The following PPP1R42 variants were observed in gnomAD, a reference collection of about 807,000 sequenced individuals.
PPP1R42 encodes the protein protein phosphatase 1 regulatory subunit 42.
Under a neutral mutation model 31.0 loss-of-function variants are expected in PPP1R42, and 34 were observed. The ratio of observed to expected loss-of-function variants is 1.10; its 90% CI spans 0.83 to 1.46. The LOEUF is 1.46. PPP1R42 is among the 40% of genes most tolerant of loss of function. The pLI, the probability that PPP1R42 is intolerant of heterozygous loss-of-function variation, is 0.00. For missense variants in PPP1R42, 268 were observed against 303.0 expected (o/e 0.88, Z 0.86); for synonymous variants, 103 against 109.8 (o/e 0.94, Z 0.39).
chr8:66,984,088 G>A, intron 6 of PPP1R42: 1 of 1,529,844 alleles, frequency 6.5e-7, no homozygotes, highest in Non-Finnish European at 9.0e-7. Flanking sequence ...TGAGAGGACA[G>A]AAGAGACAAA....
In PPP1R42 at chr8:67,002,164, C is replaced by A. The variant is rs563628055; in HGVS notation, c.552+8551G>T. Among the ~76,000 whole-genome samples the A allele has an allele frequency of 3.9e-5, 6 of 152,220 alleles. No individual in the cohort carries two copies. The East Asian group carries it at 1.2e-3, about 29-fold the overall frequency. Reference sequence around the variant, plus strand: ...TTATCTTTCTATGTACATAAAATATCTTTTAAATATCTTTTCTTCTGGTAG... The same window carrying A: ...TTATCTTTCTATGTACATAAAATATATTTTAAATATCTTTTCTTCTGGTAG... On this transcript the variant is annotated intron_variant, in intron 5 of 7. Coordinates refer to ENST00000685739, the MANE Select transcript of PPP1R42 (RefSeq NM_001364910.1).
intron 1 of PPP1R42, among the ~76,000 whole-genome samples, chr8:67,020,552 C>T (rs556892699): frequency 6.6e-6 from 1 of 152,272 alleles, no homozygotes; most frequent in South Asian, 2.1e-4. Context: ...GGCTTCATCA[C>T]TTACTAGTTA....
At chr8:66,985,521 A>T in intron 6 of PPP1R42, 1 of 1,228,934 alleles carries the variant, frequency 8.1e-7, no homozygotes, top group African/African-American at 1.5e-5. Context: ...TGCCCATGTC[A>T]TGGAGATTAG....
At chr8:66,979,636 A>G (rs1228972905) in intron 7 of PPP1R42, among the ~76,000 whole-genome samples, 1 of 152,062 alleles carries the variant, frequency 6.6e-6, no homozygotes, top group Admixed American at 6.5e-5. Context: ...GCTTTGTTGT[A>G]TATCTTGAAG....
chr8:66,996,266 G>C (rs1815332088), intron 5 of PPP1R42, among the ~76,000 whole-genome samples: 1 of 152,120 alleles, frequency 6.6e-6, no homozygotes. Context: ...TTCCCAGGCT[G>C]GTCTCGAACT....
chr8:66,985,289 G>A (rs1814973004), intron 6 of PPP1R42: 4 of 888,716 alleles, frequency 4.5e-6, no homozygotes, highest in Non-Finnish European at 7.5e-6. Context: ...GAGACTCGGG[G>A]TCAAAAAAGG....
At chr8:66,980,558 G>C (rs1814796518) in intron 7 of PPP1R42, among the ~76,000 whole-genome samples, 1 of 152,016 alleles carries the variant, frequency 6.6e-6, no homozygotes, top group Non-Finnish European at 1.5e-5. Flanking sequence ...ACATGATATG[G>C]CAAAATCACT....
intron 6 of PPP1R42, chr8:66,984,554 T>C (rs1814944348): frequency 1.6e-6 from 2 of 1,229,168 alleles, no homozygotes; most frequent in African/African-American, 3.0e-5. Context: ...CATCTCAATC[T>C]TGAACTTCTT....
In PPP1R42 at chr8:67,010,790, A is replaced by G. The variant is rs746934846; in HGVS notation, c.477T>C (p.Asp159=). The G allele has an allele frequency of 1.2e-6, 2 of 1,605,206 alleles. No homozygotes were observed. Among genetic ancestry groups the G allele is most frequent in the Non-Finnish European group, 1.7e-6 (2 of 1,176,828 alleles). ...CILNISNNNI[D]DITDLELLEN... ...CTAGTAGTTCTAAGTCTGTAATGTC[A>G]TCAATATTATTATTGCTGATATTCA... Residue 159 remains aspartate (D), a synonymous_variant, in exon 5 of 8, where the codon GAT becomes GAC. Transcript: ENST00000685739.
chr8:67,018,193 G>A (rs1183901415), intron 1 of PPP1R42, among the ~76,000 whole-genome samples: 1 of 150,604 alleles, frequency 6.6e-6, no homozygotes, highest in Non-Finnish European at 1.5e-5. Flanking sequence ...TCAGCTCACT[G>A]CAATCTCCCC....
At chr8:66,998,744 T>A (rs772426710) in intron 5 of PPP1R42, among the ~76,000 whole-genome samples, 107 of 152,238 alleles carry the variant, frequency 7.0e-4, no homozygotes, top group Non-Finnish European at 1.1e-3. Context: ...TGATAATTTT[T>A]AAAAATCATA....
intron 5 of PPP1R42, among the ~76,000 whole-genome samples, chr8:67,003,449 T>A (rs1320460667): frequency 6.6e-6 from 1 of 151,170 alleles, no homozygotes; most frequent in African/African-American, 2.4e-5. Flanking sequence ...TTTGTGGTTC[T>A]TGTTTGCTGT....
At chr8:66,991,970 G>T (rs1815202221) in intron 5 of PPP1R42, among the ~76,000 whole-genome samples, 1 of 152,166 alleles carries the variant, frequency 6.6e-6, no homozygotes, top group Admixed American at 6.5e-5. Flanking sequence ...CTAGTCTACT[G>T]CATGGCTATA....
intron 4 of PPP1R42, among the ~76,000 whole-genome samples, chr8:67,011,517 A>C (rs554829315): frequency 2.5e-4 from 38 of 152,358 alleles, no homozygotes; most frequent in African/African-American, 9.1e-4. Flanking sequence ...CGTCTCAAAA[A>C]AAGATTTGTG....
At chr8:66,964,697 A>ATATATAAATGTTTTATATG (rs1294640072) in intron 7 of PPP1R42, among the ~76,000 whole-genome samples, 7 of 152,142 alleles carry the variant, frequency 4.6e-5, no homozygotes, top group Non-Finnish European at 1.0e-4. Context: ...TATTGTTTTT[A>ATATATAAATGTTTTATATG]TATATAAATG....
chr8:66,966,790 A>AC (rs1318914963), intron 7 of PPP1R42, among the ~76,000 whole-genome samples: 1 of 152,188 alleles, frequency 6.6e-6, no homozygotes, highest in Non-Finnish European at 1.5e-5. Context: ...GTCTCCAAAA[A>AC]AAAAAAATTG....
rs1164352201 is a variant in PPP1R42 at position 66,964,236 on chromosome 8, A to G, written c.*85T>C. Reference sequence around the variant, plus strand: ...TTGAGGCTGAATTTACTCATTTTCCACAAACAAATTTTCTTTTTCTTCTGG... The same window carrying G: ...TTGAGGCTGAATTTACTCATTTTCCGCAAACAAATTTTCTTTTTCTTCTGG... On this transcript the variant is annotated 3_prime_UTR_variant, in exon 8 of 8. Transcript: ENST00000685739. The G allele has an allele frequency of 1.9e-6, 2 of 1,040,946 alleles. No homozygotes were observed. The highest frequency in any genetic ancestry group is 5.9e-5 in the East Asian group (1 of 16,890). The allele number at this position is 1,040,946 out of a possible 1,614,324, so 64.5% of individuals were successfully genotyped here. A position where few individuals can be genotyped will look rare whatever the true frequency, so the allele number is the denominator to read the frequency against.
At chr8:66,968,190 T>C (rs1814439681) in intron 7 of PPP1R42, among the ~76,000 whole-genome samples, 1 of 152,190 alleles carries the variant, frequency 6.6e-6, no homozygotes, top group African/African-American at 2.4e-5. Context: ...CAAGTTCAGT[T>C]TGAGGGTCAA....
intron 7 of PPP1R42, among the ~76,000 whole-genome samples, chr8:66,970,348 C>A (rs1814504398): frequency 6.6e-6 from 1 of 151,832 alleles, no homozygotes; most frequent in African/African-American, 2.4e-5. Flanking sequence ...GTTGGCCAGG[C>A]TGGTCTTGAA....
Sources: allele counts gnomAD v4.1 joint callset (sites outside exome capture counted in the v4.1 genomes callset), GRCh38; gene constraint gnomAD v4.1.1; transcripts MANE v1.5; gene names NCBI Gene and HGNC (gene_info 2026-07-23, HGNC 2026-07-21).